ABCB11: variants seen among roughly 807,000 people sequenced by gnomAD.
ABCB11 encodes the protein ATP binding cassette subfamily B member 11, also known as bile salt export pump.
Under a neutral mutation model 148.0 loss-of-function variants are expected in ABCB11, and 95 were observed. The observed-to-expected ratio is 0.64, with a 90% CI of 0.54 to 0.76. The LOEUF (loss-of-function observed/expected upper bound fraction) is 0.76, where lower values mean the gene tolerates loss of function less well. ABCB11 is among the 30% of genes least tolerant of loss of function. The pLI, the probability that ABCB11 is intolerant of heterozygous loss-of-function variation, is 0.00. For missense variants in ABCB11, 1,523 were observed against 1,617.8 expected, an observed-to-expected ratio of 0.94 and a Z score of 1.01; for synonymous variants, 591 against 555.4, an observed-to-expected ratio of 1.06 and a Z score of -0.90.
At chr2:168,998,856 T>C (rs1694793536) in intron 5 of ABCB11, among the ~76,000 whole-genome samples, 2 of 152,112 alleles carry the variant, frequency 1.3e-5, no homozygotes, top group South Asian at 4.1e-4. Context: ...AACTCATTTT[T>C]ATTTTATTCT....
intron 19 of ABCB11, among the ~76,000 whole-genome samples, chr2:168,955,421 A>C (rs748610443): frequency 6.6e-6 from 1 of 151,610 alleles, no homozygotes; most frequent in Non-Finnish European, 1.5e-5. Flanking sequence ...GCAGATCTTC[A>C]TATGACCAAA....
chr2:168,947,838 C>T (rs1285841992), intron 19 of ABCB11, among the ~76,000 whole-genome samples: 4 of 151,650 alleles, frequency 2.6e-5, no homozygotes, highest in Non-Finnish European at 5.9e-5. Flanking sequence ...GTCTCTAAGT[C>T]CATCTTAAGG....
chr2:169,014,155 T>C, intron 4 of ABCB11, 148 bp downstream of exon 4: 1 of 752,458 alleles, frequency 1.3e-6, no homozygotes, highest in South Asian at 1.6e-5. Flanking sequence ...TTATTCAGCA[T>C]GTTATCACAT....
At chr2:168,961,233 A>G (rs899292365) in intron 18 of ABCB11, among the ~76,000 whole-genome samples, 13 of 151,692 alleles carry the variant, frequency 8.6e-5, no homozygotes, top group Admixed American at 2.6e-4. Context: ...CCTTTCTTAC[A>G]TCTTCTGTGT....
intron 21 of ABCB11, 118 bp downstream of exon 21, chr2:168,944,487 G>A (rs1692210016): frequency 8.7e-7 from 1 of 1,143,690 alleles, no homozygotes; most frequent in Non-Finnish European, 1.2e-6. Flanking sequence ...GTGGCTTTAG[G>A]ATATCCCAAT....
At chr2:168,942,095 G>A (rs1204365254) in intron 21 of ABCB11, among the ~76,000 whole-genome samples, 2 of 151,872 alleles carry the variant, frequency 1.3e-5, no homozygotes, top group Non-Finnish European at 2.9e-5. Context: ...AGCTTGGAAA[G>A]TCCTTAAGAT....
At chr2:168,946,676 A>G (rs1264262785) in intron 19 of ABCB11, among the ~76,000 whole-genome samples, 1 of 151,786 alleles carries the variant, frequency 6.6e-6, no homozygotes, top group African/African-American at 2.4e-5. Context: ...ACCTTTTATA[A>G]TGATGGTCTA....
chr2:168,923,843 G>A, intron 27 of ABCB11, 21 bp from the exon 28 acceptor site: 1 of 1,612,722 alleles, frequency 6.2e-7, no homozygotes, highest in Non-Finnish European at 8.5e-7. Flanking sequence ...AAGATGGAAA[G>A]TTGATGCAAA....
intron 9 of ABCB11, among the ~76,000 whole-genome samples, 168 bp downstream of exon 9, chr2:168,990,633 G>A (rs1197258909): frequency 1.3e-5 from 2 of 152,058 alleles, no homozygotes; most frequent in Non-Finnish European, 2.9e-5. Context: ...ACTTCTTATA[G>A]TACCTAAATT....
At chr2:168,930,902 A>T in intron 24 of ABCB11, 40 bp from the exon 25 acceptor site, 2 of 1,515,950 alleles carry the variant, frequency 1.3e-6, no homozygotes, top group Non-Finnish European at 1.8e-6. Flanking sequence ...GCTCTTACTG[A>T]AGCCTAGAAT....
chr2:168,919,881 G>GT (rs200718460), downstream of ABCB11, among the ~76,000 whole-genome samples: 15,562 of 150,082 alleles, frequency 0.1, 840 homozygotes, highest in African/African-American at 0.14. Flanking sequence ...TTTTGGTTTT[G>GT]TTTTTTTTTG....
At chr2:169,021,928 G>T (rs13387523) in intron 1 of ABCB11, among the ~76,000 whole-genome samples, 1 of 151,514 alleles carries the variant, frequency 6.6e-6, no homozygotes, top group Admixed American at 6.6e-5. Flanking sequence ...TATTCTTAAG[G>T]GTGTATATTC....
At chr2:169,004,305 A>G (rs1031618236) in intron 5 of ABCB11, among the ~76,000 whole-genome samples, 3 of 152,282 alleles carry the variant, frequency 2.0e-5, no homozygotes, top group South Asian at 4.1e-4. Flanking sequence ...CGAGAACACC[A>G]ATTATTCTTA....
At chr2:168,976,724 AAACT>A (rs760933943) in intron 11 of ABCB11, 37 bp from the exon 12 acceptor site, 1 of 1,256,394 alleles carries the variant, frequency 8.0e-7, no homozygotes, top group African/African-American at 1.5e-5. Context: ...GTGTAAACTC[AAACT>A]AAGATGCACA....
At chr2:168,916,917 C>A (rs542215569), downstream of ABCB11, among the ~76,000 whole-genome samples, 2 of 152,138 alleles carry the variant, frequency 1.3e-5, no homozygotes, top group South Asian at 2.1e-4. Flanking sequence ...GATCCTAAAC[C>A]AACATGATGA....
intron 19 of ABCB11, among the ~76,000 whole-genome samples, chr2:168,950,409 T>C (rs1692509239): frequency 6.6e-6 from 1 of 151,666 alleles, no homozygotes; most frequent in Non-Finnish European, 1.5e-5. Flanking sequence ...CAGCAGTATA[T>C]AAGCATTCTT....
At chr2:168,968,037 T>A (rs1176588099) in intron 17 of ABCB11, among the ~76,000 whole-genome samples, 1 of 151,874 alleles carries the variant, frequency 6.6e-6, no homozygotes, top group Non-Finnish European at 1.5e-5. Context: ...GCTCAGTAGA[T>A]TAAAGAGTGG....
At chr2:169,015,439 C>A (rs559328834) in intron 3 of ABCB11, among the ~76,000 whole-genome samples, 29 of 152,250 alleles carry the variant, frequency 1.9e-4, no homozygotes, top group Admixed American at 3.3e-4. Context: ...CTGACCTCAC[C>A]TCCTCCAACT....
downstream of ABCB11, among the ~76,000 whole-genome samples, chr2:168,920,045 T>C (rs1310382652): frequency 6.6e-6 from 1 of 152,124 alleles, no homozygotes; most frequent in African/African-American, 2.4e-5. Flanking sequence ...TTTCTTTTTT[T>C]GTTAGAAATG....
Sources: allele counts gnomAD v4.1 joint callset (sites outside exome capture counted in the v4.1 genomes callset), GRCh38; gene constraint gnomAD v4.1.1; transcripts MANE v1.5; gene names NCBI Gene and HGNC (gene_info 2026-07-23, HGNC 2026-07-21).